The following SLCO1B3 variants were observed in gnomAD, a reference collection of about 807,000 sequenced individuals.
SLCO1B3 encodes the protein liver-specific organic anion transporter 2.
In SLCO1B3, 72 loss-of-function variants were observed where a neutral mutation model predicts 71.8. That is an observed-to-expected ratio of 1.00 (90% CI 0.83 to 1.22). SLCO1B3 has a LOEUF of 1.22. SLCO1B3 is among the 50% of genes most tolerant of loss of function. SLCO1B3 has a pLI of 0.00. For synonymous variants in SLCO1B3, 298 were observed against 278.4 expected, an observed-to-expected ratio of 1.07 and a Z score of -0.70; for missense variants, 911 against 819.7, an observed-to-expected ratio of 1.11 and a Z score of -1.36.
At chr12:20,848,968 A>G (rs1358139030) in intron 3 of SLCO1B3, among the ~76,000 whole-genome samples, 1 of 152,038 alleles carries the variant, frequency 6.6e-6, no homozygotes, top group Non-Finnish European at 1.5e-5. Context: ...AGTGAACCCT[A>G]ATGTAATAAT....
chr12:20,879,328 A>G, intron 10 of SLCO1B3, 108 bp from the exon 11 acceptor site: 1 of 792,848 alleles, frequency 1.3e-6, no homozygotes, highest in Non-Finnish European at 1.9e-6. Context: ...TCTTAAAGAA[A>G]TAAGAATGGG....
rs2121254306 is a variant in SLCO1B3 at position 20,862,763 on chromosome 12, G to C, written c.636G>C (p.Leu212Phe). 2 of 1,606,448 alleles carry C rather than the reference G, an allele frequency of 1.2e-6. No individual in the cohort carries two copies. Among genetic ancestry groups the C allele is most frequent in the Non-Finnish European group, 8.5e-7 (1 of 1,175,870 alleles). ...GTTTTGTAATACTTACAGGTAGTTT[G>C]AATGCAATAGGAATGATTGGTCCAG... Reference protein sequence around the residue: ...EGHSSLYLGSLNAIGMIGPVI... With the variant: ...EGHSSLYLGSFNAIGMIGPVI... Residue 212 changes from leucine (L) to phenylalanine (F), a missense_variant, in exon 8 of 16, where the codon TTG becomes TTC. By Grantham distance (22) the Leu-to-Phe change is conservative. Transcript: ENST00000381545.
At chr12:20,839,283 C>T (rs74348950) in intron 3 of SLCO1B3, among the ~76,000 whole-genome samples, 5,728 of 152,052 alleles carry the variant, frequency 0.038, 170 homozygotes, top group East Asian at 0.17. Flanking sequence ...AAGTTTTGAG[C>T]TTCTGATCTA....
At chr12:20,910,695 A>T (rs998407823) in intron 15 of SLCO1B3, among the ~76,000 whole-genome samples, 1 of 152,110 alleles carries the variant, frequency 6.6e-6, no homozygotes, top group Non-Finnish European at 1.5e-5. Context: ...TTTATACCCA[A>T]TGTTTCATTT....
chr12:20,861,173 G>C, intron 6 of SLCO1B3, 35 bp downstream of exon 6: 1 of 1,503,164 alleles, frequency 6.7e-7, no homozygotes, highest in Non-Finnish European at 9.0e-7. Context: ...ACAAATTCTA[G>C]ATTGATAGAT....
At chr12:20,824,458 C>T (rs1411993246) in intron 3 of SLCO1B3, among the ~76,000 whole-genome samples, 1 of 152,080 alleles carries the variant, frequency 6.6e-6, no homozygotes, top group African/African-American at 2.4e-5. Context: ...TAGCAGATTA[C>T]AAACTGTCCT....
rs11045544 is a variant in SLCO1B3 at position 20,835,276 on chromosome 12, C to A, written c.84+19454C>A. Reference sequence around the variant, plus strand: ...ATGGGCGTGGCTGCTCCCAAGGTCTCTGATGTGCCCTGGAGTCATTTTCCG... The same window carrying A: ...ATGGGCGTGGCTGCTCCCAAGGTCTATGATGTGCCCTGGAGTCATTTTCCG... On this transcript the variant is annotated intron_variant, in intron 3 of 15. Coordinates refer to ENST00000381545, the MANE Select transcript of SLCO1B3 (RefSeq NM_019844.4). Among the ~76,000 whole-genome samples, 403 of 152,290 alleles carry A rather than the reference C, an allele frequency of 2.6e-3. 8 individuals carry two copies. In the South Asian group the frequency reaches 0.033, roughly 13 times the overall value.
At chr12:20,881,796 A>C (rs1284481925) in intron 12 of SLCO1B3, among the ~76,000 whole-genome samples, 1 of 152,180 alleles carries the variant, frequency 6.6e-6, no homozygotes, top group East Asian at 1.9e-4. Flanking sequence ...CACAAGTTGC[A>C]TAACTATTTT....
chr12:20,886,771 T>C (rs1865799557), intron 13 of SLCO1B3, among the ~76,000 whole-genome samples: 1 of 152,026 alleles, frequency 6.6e-6, no homozygotes, highest in South Asian at 2.1e-4. Context: ...AAACATGGAT[T>C]ATATTGTGCA....
At chr12:20,860,209 C>T (rs887183245) in intron 5 of SLCO1B3, among the ~76,000 whole-genome samples, 4 of 152,160 alleles carry the variant, frequency 2.6e-5, no homozygotes, top group Admixed American at 2.6e-4. Flanking sequence ...CCCGCCTCCA[C>T]CTCCCAAAGT....
At chr12:20,882,162 A>G (rs1865707114) in intron 12 of SLCO1B3, among the ~76,000 whole-genome samples, 1 of 152,158 alleles carries the variant, frequency 6.6e-6, no homozygotes, top group Admixed American at 6.5e-5. Flanking sequence ...AGTATCCTAA[A>G]GAGAGCTCTG....
At chr12:20,826,988 C>T (rs1276058090) in intron 3 of SLCO1B3, among the ~76,000 whole-genome samples, 1 of 151,986 alleles carries the variant, frequency 6.6e-6, no homozygotes, top group African/African-American at 2.4e-5. Context: ...GTCTGTTAAT[C>T]ATTTTTATAG....
intron 3 of SLCO1B3, among the ~76,000 whole-genome samples, chr12:20,850,346 C>G (rs530895310): frequency 6.6e-6 from 1 of 151,550 alleles, no homozygotes; most frequent in South Asian, 2.1e-4. Context: ...ATGGCGCATT[C>G]TCGGCTCACT....
chr12:20,910,344 G>T (rs1454300971), intron 15 of SLCO1B3, among the ~76,000 whole-genome samples: 1 of 152,102 alleles, frequency 6.6e-6, no homozygotes, highest in South Asian at 2.1e-4. Flanking sequence ...ACACTGTCTT[G>T]GTTGCTGTAG....
chr12:20,903,737 T>C (rs1565608396), intron 15 of SLCO1B3, among the ~76,000 whole-genome samples: 1 of 152,152 alleles, frequency 6.6e-6, no homozygotes, highest in African/African-American at 2.4e-5. Context: ...ACATGAAATT[T>C]GGGCAGAGAC....
At chr12:20,842,381 C>T (rs1461483209) in intron 3 of SLCO1B3, among the ~76,000 whole-genome samples, 1 of 152,006 alleles carries the variant, frequency 6.6e-6, no homozygotes, top group Non-Finnish European at 1.5e-5. Flanking sequence ...TATTTTATAC[C>T]TATTAAATCC....
At chr12:20,890,046 T>A (rs1361964100) in intron 13 of SLCO1B3, among the ~76,000 whole-genome samples, 1 of 151,974 alleles carries the variant, frequency 6.6e-6, no homozygotes, top group East Asian at 1.9e-4. Flanking sequence ...GCCTCCCTAG[T>A]AGCTGGGATT....
intron 3 of SLCO1B3, among the ~76,000 whole-genome samples, chr12:20,843,461 A>G (rs1446036706): frequency 6.6e-6 from 1 of 152,172 alleles, no homozygotes; most frequent in East Asian, 1.9e-4. Context: ...ATAAAATTAC[A>G]GTTTTAATGT....
intron 11 of SLCO1B3, among the ~76,000 whole-genome samples, chr12:20,880,332 T>A (rs948533150): frequency 1.3e-5 from 2 of 151,762 alleles, no homozygotes; most frequent in African/African-American, 2.4e-5. Context: ...AGAGGTTTGG[T>A]TTTAACTACA....
Sources: allele counts gnomAD v4.1 joint callset (sites outside exome capture counted in the v4.1 genomes callset), GRCh38; gene constraint gnomAD v4.1.1; transcripts MANE v1.5; gene names NCBI Gene and HGNC (gene_info 2026-07-23, HGNC 2026-07-21).